Variants in CNTN1 observed in about 807,000 individuals in gnomAD.
The protein encoded by CNTN1 is contactin 1.
Under a neutral mutation model 126.4 loss-of-function variants are expected in CNTN1, and 38 were observed. The observed-to-expected ratio is 0.30, with a 90% confidence interval of 0.23 to 0.39. CNTN1 has a LOEUF of 0.39. Among genes scored for constraint, CNTN1 ranks in the 10% least tolerant of loss-of-function variants. The probability of loss-of-function intolerance (pLI) is 1.00; values close to 1 mark genes in which losing one functional copy is unlikely to be tolerated. For missense variants in CNTN1, 1,009 were observed against 1,248.4 expected, an observed-to-expected ratio of 0.81 and a Z score of 2.89; for synonymous variants, 413 against 422.6, an observed-to-expected ratio of 0.98 and a Z score of 0.28.
intron 1 of CNTN1, among the ~76,000 whole-genome samples, chr12:40,702,042 T>G (rs1358192135): frequency 6.6e-6 from 1 of 152,132 alleles, no homozygotes; most frequent in African/African-American, 2.4e-5. Flanking sequence ...GTAGAATAGT[T>G]TTGTCTGTTT....
chr12:40,944,452 A>G (rs935196328), intron 14 of CNTN1, among the ~76,000 whole-genome samples: 5 of 152,076 alleles, frequency 3.3e-5, no homozygotes, highest in African/African-American at 1.2e-4. Flanking sequence ...GATGTGTATT[A>G]CATCAGTATA....
At position 40,850,209 on chromosome 12, in the gene CNTN1, C is replaced by T. The variant is rs1005594401; in HGVS notation, c.-76-58148C>T. Among the ~76,000 whole-genome samples, 3 of 152,060 alleles carry T rather than the reference C, an allele frequency of 2.0e-5. No homozygotes were observed. The East Asian group carries it at 5.8e-4, about 29-fold the overall frequency. On this transcript the variant is annotated intron_variant, in intron 1 of 23. Transcript: ENST00000551295. Reference sequence around the variant, plus strand: ...CCATGGACATGCCCTGTAAACCTACCTATATTGCTCATTATGAAATTAACT... The same window carrying T: ...CCATGGACATGCCCTGTAAACCTACTTATATTGCTCATTATGAAATTAACT...
intron 1 of CNTN1, among the ~76,000 whole-genome samples, chr12:40,906,942 G>A (rs780733111): frequency 6.6e-6 from 1 of 151,858 alleles, no homozygotes; most frequent in Non-Finnish European, 1.5e-5. Flanking sequence ...CCTCCCAAAG[G>A]GCTGGGATTA....
intron 1 of CNTN1, among the ~76,000 whole-genome samples, chr12:40,713,587 A>G (rs1941977663): frequency 6.6e-6 from 1 of 152,030 alleles, no homozygotes; most frequent in Non-Finnish European, 1.5e-5. Flanking sequence ...ACACATATAA[A>G]TGCCCCCCAC....
intron 23 of CNTN1, among the ~76,000 whole-genome samples, chr12:41,033,477 G>A (rs1047641434): frequency 6.6e-6 from 1 of 152,076 alleles, no homozygotes; most frequent in African/African-American, 2.4e-5. Flanking sequence ...TATTTGTAGT[G>A]AGCATGCATA....
At chr12:40,867,386 G>A (rs1361721762) in intron 1 of CNTN1, among the ~76,000 whole-genome samples, 1 of 152,112 alleles carries the variant, frequency 6.6e-6, no homozygotes, top group Admixed American at 6.6e-5. Flanking sequence ...TGAGATATTG[G>A]TCAAAGGACA....
At chr12:40,753,188 C>T (rs1207768648) in intron 1 of CNTN1, among the ~76,000 whole-genome samples, 3 of 152,064 alleles carry the variant, frequency 2.0e-5, no homozygotes, top group Non-Finnish European at 2.9e-5. Flanking sequence ...AGAGGCAAAC[C>T]TTATTCTTCC....
chr12:40,759,060 T>C (rs774247138), intron 1 of CNTN1, among the ~76,000 whole-genome samples: 2 of 152,018 alleles, frequency 1.3e-5, no homozygotes, highest in Non-Finnish European at 2.9e-5. Flanking sequence ...TGTATCACCA[T>C]GCCTGGCTAA....
chr12:41,008,677 T>A (rs1454682485), intron 17 of CNTN1, among the ~76,000 whole-genome samples: 3 of 152,204 alleles, frequency 2.0e-5, no homozygotes, highest in Non-Finnish European at 4.4e-5. Context: ...TTAGGACATG[T>A]ATTTACCATC....
chr12:40,880,838 A>G (rs12832812), intron 1 of CNTN1, among the ~76,000 whole-genome samples: 5,116 of 151,220 alleles, frequency 0.034, 116 homozygotes, highest in Middle Eastern at 0.12. Flanking sequence ...TTTTTTTTTC[A>G]GTTTTAGGCT....
chr12:41,051,974 G>A (rs1303987926), intron 23 of CNTN1, among the ~76,000 whole-genome samples: 2 of 151,202 alleles, frequency 1.3e-5, no homozygotes, highest in African/African-American at 4.9e-5. Context: ...CATTCTCTGT[G>A]AGCAGTGTAG....
At chr12:40,807,381 C>A (rs1447716358) in intron 1 of CNTN1, among the ~76,000 whole-genome samples, 1 of 151,956 alleles carries the variant, frequency 6.6e-6, no homozygotes, top group Non-Finnish European at 1.5e-5. Flanking sequence ...AGAGTATGGA[C>A]CAGAGACTTG....
chr12:40,963,585 T>A (rs1184234678), intron 15 of CNTN1, among the ~76,000 whole-genome samples: 3 of 151,822 alleles, frequency 2.0e-5, no homozygotes, highest in African/African-American at 7.2e-5. Flanking sequence ...ATATTAATAT[T>A]TAAAATGTTA....
At chr12:40,818,752 C>G (rs1475115084) in intron 1 of CNTN1, among the ~76,000 whole-genome samples, 3 of 152,162 alleles carry the variant, frequency 2.0e-5, no homozygotes, top group Non-Finnish European at 4.4e-5. Context: ...AGGAGGCACT[C>G]TGGCCTTTTT....
chr12:40,969,046 T>C (rs1290658221), intron 15 of CNTN1, among the ~76,000 whole-genome samples: 2 of 152,178 alleles, frequency 1.3e-5, no homozygotes, highest in African/African-American at 4.8e-5. Flanking sequence ...CAGCTCATTT[T>C]ACTAAATAAG....
intron 3 of CNTN1, among the ~76,000 whole-genome samples, chr12:40,914,399 C>A (rs573999584): frequency 2.0e-5 from 3 of 152,118 alleles, no homozygotes; most frequent in Non-Finnish European, 4.4e-5. Context: ...CCTGGCAATG[C>A]AATACAGATG....
At chr12:41,033,718 G>C (rs10437976) in intron 23 of CNTN1, among the ~76,000 whole-genome samples, 1 of 151,970 alleles carries the variant, frequency 6.6e-6, no homozygotes, top group African/African-American at 2.4e-5. Flanking sequence ...GAAGTACCAG[G>C]TTATTGCCAT....
chr12:40,996,835 A>G (rs1241476750), intron 17 of CNTN1, among the ~76,000 whole-genome samples: 1 of 152,218 alleles, frequency 6.6e-6, no homozygotes, highest in Admixed American at 6.5e-5. Context: ...TTTCATTTTT[A>G]TAAGAAAATA....
At chr12:40,837,455 G>A (rs114850652) in intron 1 of CNTN1, among the ~76,000 whole-genome samples, 1,753 of 152,254 alleles carry the variant, frequency 0.012, 32 homozygotes, top group African/African-American at 0.04. Context: ...GACTATAGGA[G>A]AACCCCTTAT....
Sources: allele counts gnomAD v4.1 joint callset (sites outside exome capture counted in the v4.1 genomes callset), GRCh38; gene constraint gnomAD v4.1.1; transcripts MANE v1.5; gene names NCBI Gene and HGNC (gene_info 2026-07-23, HGNC 2026-07-21).